Variants in SYNE2 observed in about 807,000 individuals in gnomAD.
SYNE2 encodes nesprin-2.
Under a neutral mutation model 856.3 loss-of-function variants are expected in SYNE2, and 431 were observed. The observed-to-expected ratio is 0.50, with a 90% CI of 0.47 to 0.55. The LOEUF (loss-of-function observed/expected upper bound fraction) is 0.55. Among genes scored for constraint, SYNE2 ranks in the 20% least tolerant of loss-of-function variants. SYNE2 has a pLI of 0.00. For synonymous variants in SYNE2, 2,923 were observed against 2,872.3 expected (o/e 1.02, Z -0.56); for missense variants, 8,129 against 8,023.2 (o/e 1.01, Z -0.50).
At chr14:63,968,669 A>G (rs570490621) in intron 11 of SYNE2, among the ~76,000 whole-genome samples, 1 of 152,336 alleles carries the variant, frequency 6.6e-6, no homozygotes, top group South Asian at 2.1e-4. Context: ...ATAATATTCT[A>G]TAAATGTTAA....
chr14:64,225,246 C>G (rs1334191507), intron 115 of SYNE2, 73 bp from the exon 116 acceptor site: 8 of 1,609,866 alleles, frequency 5.0e-6, no homozygotes, highest in Non-Finnish European at 8.5e-7. Flanking sequence ...CTTACATAAG[C>G]AGGGGCTTAG....
chr14:64,132,145 A>G lies in SYNE2; in HGVS notation c.14341-120A>G. The G allele has an allele frequency of 3.3e-6, 4 of 1,206,852 alleles. No individual in the cohort carries two copies. In the South Asian group the frequency reaches 4.0e-5, roughly 12 times the overall value. The allele number at this position is 1,206,852 out of a possible 1,614,324, so 74.8% of individuals were successfully genotyped here. ...GCCAGGCTGGTCAATTTGACTCTAC[A>G]CGGATGTCCTGGGATTTTGGATTTA... On this transcript the variant is annotated intron_variant, in intron 76 of 115. Transcript: ENST00000555002.
chr14:64,060,287 C>G (rs975281644), intron 49 of SYNE2, among the ~76,000 whole-genome samples: 3 of 152,102 alleles, frequency 2.0e-5, no homozygotes, highest in African/African-American at 7.2e-5. Flanking sequence ...TCAGTCTCAC[C>G]CAAGGCCCAC....
intron 64 of SYNE2, among the ~76,000 whole-genome samples, chr14:64,103,000 G>A (rs553829886): frequency 6.6e-6 from 1 of 152,222 alleles, no homozygotes; most frequent in South Asian, 2.1e-4. Context: ...TTTGAAGGCT[G>A]GCTAGTACTC....
chr14:63,960,889 AAAATAAGAT>A, intron 8 of SYNE2: 1 of 595,728 alleles, frequency 1.7e-6, no homozygotes. Context: ...AAAAAAATAA[AAAATAAGAT>A]AAATAAGATT....
intron 64 of SYNE2, 141 bp from the exon 65 acceptor site, chr14:64,107,350 C>T (rs2097778173): frequency 1.3e-6 from 1 of 769,186 alleles, no homozygotes; most frequent in Non-Finnish European, 2.3e-6. Context: ...AATGAACAAA[C>T]TTTTTTCTAA....
intron 45 of SYNE2, among the ~76,000 whole-genome samples, chr14:64,035,386 T>C (rs989380675): frequency 1.3e-5 from 2 of 152,276 alleles, no homozygotes; most frequent in Admixed American, 1.3e-4. Context: ...AGCACATAGT[T>C]GGGCCATGTG....
intron 82 of SYNE2, 79 bp downstream of exon 82, chr14:64,142,167 A>C (rs1173069065): frequency 5.2e-6 from 8 of 1,535,398 alleles, no homozygotes; most frequent in Non-Finnish European, 7.2e-6. Flanking sequence ...ACAAAGGGAC[A>C]CATAGGATAT....
At chr14:63,996,216 C>G (rs1567002518) in intron 23 of SYNE2, among the ~76,000 whole-genome samples, 1 of 152,188 alleles carries the variant, frequency 6.6e-6, no homozygotes, top group South Asian at 2.1e-4. Flanking sequence ...TTCCACTCAG[C>G]CTTAATTAAA....
At chr14:64,080,745 T>TTGGACTTGAAGCTGGGGCCA in intron 56 of SYNE2, 107 bp downstream of exon 56, 2 of 1,429,702 alleles carry the variant, frequency 1.4e-6, no homozygotes, top group East Asian at 4.8e-5. Context: ...ATTATCAGTT[T>TTGGACTTGAAGCTGGGGCCA]TGGACTTGAA....
In SYNE2 at chr14:63,990,259, A is replaced by G. The variant is rs181152617; in HGVS notation, c.2314-152A>G. 5.9e-4 allele frequency: 389 copies of G among 659,368 alleles called. 2 individuals carry two copies. The highest frequency in any genetic ancestry group is 5.6e-3 in the African/African-American group (308 of 54,798). The allele number at this position is 659,368 out of a possible 1,614,324, so 40.8% of individuals were successfully genotyped here. On this transcript the variant is annotated intron_variant, in intron 19 of 115. Coordinates refer to ENST00000555002, the MANE Select transcript of SYNE2 (RefSeq NM_182914.3). ...CTGATTGTATCAATATGAAATTTCA[A>G]AATGACTCCTTAAAATATCATTTTT... is the stretch of plus-strand genomic sequence containing the variant.
chr14:63,840,396 T>TC (rs1339819223), intron 1 of SYNE2, among the ~76,000 whole-genome samples: 1 of 145,974 alleles, frequency 6.9e-6, no homozygotes, highest in African/African-American at 2.5e-5. Flanking sequence ...TTCCTTTCTT[T>TC]CCTTTCCTTC....
intron 63 of SYNE2, 31 bp downstream of exon 63, chr14:64,098,852 G>C: frequency 6.2e-7 from 1 of 1,605,802 alleles, no homozygotes; most frequent in South Asian, 1.1e-5. Flanking sequence ...GTTAAAGTTT[G>C]TTAGAACCAG....
At chr14:64,035,595 A>G (rs548052174) in intron 45 of SYNE2, among the ~76,000 whole-genome samples, 1 of 147,884 alleles carries the variant, frequency 6.8e-6, no homozygotes, top group Non-Finnish European at 1.5e-5. Flanking sequence ...TCTCAGGCTG[A>G]AAAAGACCTT....
rs1382165790 is a variant in SYNE2 at position 63,917,479 on chromosome 14, A to AT, written c.79+8260dup. Among the ~76,000 whole-genome samples, 5 of 151,998 alleles carry AT rather than the reference A, an allele frequency of 3.3e-5. No homozygotes were observed. In the East Asian group the frequency reaches 5.8e-4, roughly 18 times the overall value. ...AGCTTTATAATCTTTTTATTTATTT[A>AT]TTTTTTTTGAGACGGAATTTCACTC... On this transcript the variant is annotated intron_variant, in intron 2 of 115. Transcript: ENST00000555002.
Position 64,137,768 on chromosome 14 carries a change from T to C in SYNE2, c.14647-19T>C, listed in dbSNP as rs1458596211. On this transcript the variant is annotated intron_variant, in intron 78 of 115. Transcript: ENST00000555002. ...TTTATTTTCTAAATAATTCATTCTA[T>C]GACTTTACTTTTTATTAGCAAATAA... 5 of 1,613,478 alleles carry C rather than the reference T, an allele frequency of 3.1e-6. No individual in the cohort carries two copies. Among genetic ancestry groups the C allele is most frequent in the Non-Finnish European group, 4.2e-6 (5 of 1,179,534 alleles).
At chr14:63,847,902 T>C (rs1301807092) in intron 1 of SYNE2, among the ~76,000 whole-genome samples, 1 of 150,944 alleles carries the variant, frequency 6.6e-6, no homozygotes, top group Non-Finnish European at 1.5e-5. Flanking sequence ...TTTGTTTTTC[T>C]TGAGATGGAG....
At chr14:64,114,231 C>T (rs759794103) in intron 66 of SYNE2, among the ~76,000 whole-genome samples, 2 of 152,094 alleles carry the variant, frequency 1.3e-5, no homozygotes, top group African/African-American at 4.8e-5. Context: ...CGGCTCAGCC[C>T]GAAGGTTGGG....
rs2098594817 is a variant in SYNE2, at chr14:64,204,282, A to G, written c.18201+1319A>G. ...TTAATGCGTCTCTCATTGGAGTCACAGCTACTGAACACATCAGTTTTACTT... is the reference window on the plus strand; with the variant it reads ...TTAATGCGTCTCTCATTGGAGTCACGGCTACTGAACACATCAGTTTTACTT... On this transcript the variant is annotated intron_variant, in intron 100 of 115. Transcript: ENST00000555002. 2.0e-5 allele frequency: 3 copies of G among 152,244 alleles called. No homozygotes were observed. In the South Asian group the frequency reaches 6.2e-4, roughly 31 times the overall value. The allele number at this position is 152,244 out of a possible 1,614,324, so 9.4% of individuals were successfully genotyped here.
Sources: allele counts gnomAD v4.1 joint callset (sites outside exome capture counted in the v4.1 genomes callset), GRCh38; gene constraint gnomAD v4.1.1; transcripts MANE v1.5; gene names NCBI Gene and HGNC (gene_info 2026-07-23, HGNC 2026-07-21).